Variants in CSPP1 observed in about 807,000 individuals in gnomAD.
CSPP1 encodes centrosome and spindle pole-associated protein 1.
Under a neutral mutation model 164.4 loss-of-function variants are expected in CSPP1, and 126 were observed. That is an observed-to-expected ratio of 0.77 (90% CI 0.66 to 0.89). CSPP1 has a LOEUF of 0.89. Ranked by LOEUF, CSPP1 falls within the 40% of genes least tolerant of loss-of-function variation. CSPP1 has a pLI of 0.00. For missense variants in CSPP1, 1,395 were observed against 1,449.8 expected (o/e 0.96, Z 0.61); for synonymous variants, 472 against 476.7 (o/e 0.99, Z 0.13).
chr8:67,158,390 T>C, intron 19 of CSPP1, 57 bp from the exon 20 acceptor site: 1 of 1,464,174 alleles, frequency 6.8e-7, no homozygotes. Context: ...AAAAAATAAG[T>C]GATATTCTAA....
intron 29 of CSPP1, among the ~76,000 whole-genome samples, chr8:67,192,136 G>A (rs1267583939): frequency 6.7e-6 from 1 of 148,608 alleles, no homozygotes; most frequent in Non-Finnish European, 1.5e-5. Flanking sequence ...GCAGTGGCGT[G>A]ATCTCAGTGC....
intron 15 of CSPP1, among the ~76,000 whole-genome samples, chr8:67,123,503 T>G (rs1819403235): frequency 6.6e-6 from 1 of 152,238 alleles, no homozygotes; most frequent in South Asian, 2.1e-4. Context: ...GTAGACAGAA[T>G]GCAGTTACTT....
intron 17 of CSPP1, among the ~76,000 whole-genome samples, chr8:67,148,806 T>C (rs1170568439): frequency 6.6e-6 from 1 of 152,254 alleles, no homozygotes; most frequent in Admixed American, 6.5e-5. Flanking sequence ...TTAAGTTCTG[T>C]AATCATTCAG....
At chr8:67,147,990 C>T (rs1159684852) in intron 17 of CSPP1, among the ~76,000 whole-genome samples, 1 of 152,066 alleles carries the variant, frequency 6.6e-6, no homozygotes, top group African/African-American at 2.4e-5. Context: ...GTAATTTTGA[C>T]TCACTGCAAC....
In CSPP1 at chr8:67,159,046, CAGAA is replaced by C. The variant is rs761382780; in HGVS notation, c.2456_2459del (p.Lys819ArgfsTer21). On this transcript the variant is annotated frameshift_variant, in exon 21 of 31. Coordinates refer to ENST00000678616, the MANE Select transcript of CSPP1 (RefSeq NM_001382391.1). LOFTEE classifies it high-confidence loss of function. ...TTAGCTGAAGAAAGACAAAAAGAAG[CAGAA>C]AGAAAGAAGAAAGAAGAAGAAGAAA... 7 of 1,611,278 alleles carry C rather than the reference CAGAA, an allele frequency of 4.3e-6. No individual in the cohort carries two copies. In the South Asian group the frequency reaches 6.6e-5, roughly 15 times the overall value.
intron 7 of CSPP1, chr8:67,099,318 C>T (rs1336767575): frequency 6.6e-6 from 1 of 152,012 alleles, no homozygotes; most frequent in Non-Finnish European, 1.5e-5. Flanking sequence ...GGCTATACCA[C>T]CCTGGAATGT....
intron 9 of CSPP1, among the ~76,000 whole-genome samples, chr8:67,111,550 G>A (rs576619791): frequency 1.3e-5 from 2 of 152,318 alleles, no homozygotes; most frequent in South Asian, 4.1e-4. Context: ...GTTATAGTGA[G>A]ATTTTGAGGC....
rs1322610870 is a variant in CSPP1, at chr8:67,158,979, T to G, written c.2392-12T>G. 5 of 1,582,724 alleles carry G rather than the reference T, an allele frequency of 3.2e-6. 1 individual carries two copies. The South Asian group carries it at 5.8e-5, about 18-fold the overall frequency. On this transcript the variant is annotated splice_polypyrimidine_tract_variant and intron_variant, in intron 20 of 30. Coordinates refer to ENST00000678616, the MANE Select transcript of CSPP1 (RefSeq NM_001382391.1). ...AATATATGGAATGCATATTTCTCTT[T>G]TTATTTTAAAGCAAAGGCTAAAAAA... is the stretch of plus-strand genomic sequence containing the variant.
intron 3 of CSPP1, 80 bp from the exon 4 acceptor site, chr8:67,085,927 T>A: frequency 1.4e-6 from 1 of 733,134 alleles, no homozygotes; most frequent in African/African-American, 1.7e-5. Context: ...CTGTTCCTTC[T>A]TACTGTGCTT....
chr8:67,077,177 T>TCC (rs1213980416), intron 3 of CSPP1, among the ~76,000 whole-genome samples: 2 of 151,956 alleles, frequency 1.3e-5, no homozygotes, highest in Non-Finnish European at 2.9e-5. Flanking sequence ...AGGGTCTCTC[T>TCC]CTCTCTCTCT....
intron 17 of CSPP1, among the ~76,000 whole-genome samples, chr8:67,145,723 T>C (rs968132525): frequency 1.3e-5 from 2 of 152,020 alleles, no homozygotes; most frequent in Non-Finnish European, 2.9e-5. Flanking sequence ...AGACGGGGTT[T>C]CACCATACTG....
At chr8:67,165,067 G>A (rs1430932450) in intron 24 of CSPP1, among the ~76,000 whole-genome samples, 2 of 152,168 alleles carry the variant, frequency 1.3e-5, no homozygotes, top group Non-Finnish European at 2.9e-5. Context: ...GGCGGATCAC[G>A]AGGTCAGGAG....
At position 67,090,663 on chromosome 8, in the gene CSPP1, A is replaced by G. The variant is rs575048364; in HGVS notation, c.304-1140A>G. On this transcript the variant is annotated intron_variant, in intron 4 of 30. Transcript: ENST00000678616. ...AATGTTTTGAATACAACGCTATTGT[A>G]GTTAATACGTTGTTTTGCGGTTATT... 7.7e-4 allele frequency among the ~76,000 whole-genome samples: 118 copies of G among 152,338 alleles called. No homozygotes were observed. In the South Asian group the frequency reaches 0.01, roughly 13 times the overall value.
chr8:67,154,825 A>T (rs988784837), intron 19 of CSPP1, among the ~76,000 whole-genome samples: 29 of 152,206 alleles, frequency 1.9e-4, no homozygotes, highest in Admixed American at 1.8e-3. Flanking sequence ...TAAATCAAAG[A>T]ATGCTGAGAT....
At chr8:67,087,891 A>G (rs1810735045) in intron 4 of CSPP1, among the ~76,000 whole-genome samples, 1 of 152,156 alleles carries the variant, frequency 6.6e-6, no homozygotes, top group Non-Finnish European at 1.5e-5. Context: ...TTGCTGCCCA[A>G]CTTCTTAACT....
intron 2 of CSPP1, among the ~76,000 whole-genome samples, chr8:67,076,097 TC>T (rs997246896): frequency 9.2e-5 from 14 of 152,238 alleles, no homozygotes; most frequent in African/African-American, 2.6e-4. Flanking sequence ...TTTTTTTTTT[TC>T]CATAACCACT....
chr8:67,152,245 A>G (rs1349876621), intron 18 of CSPP1, among the ~76,000 whole-genome samples: 2 of 152,146 alleles, frequency 1.3e-5, no homozygotes, highest in African/African-American at 2.4e-5. Flanking sequence ...CTTTGCATAT[A>G]TGTAGCATTT....
chr8:67,158,298 CCT>C (rs1253781112), intron 19 of CSPP1, 147 bp from the exon 20 acceptor site: 1 of 759,436 alleles, frequency 1.3e-6, no homozygotes, highest in Non-Finnish European at 2.0e-6. Context: ...AATCATGTAG[CCT>C]CCCTGAAAAT....
At chr8:67,111,203 A>G (rs928010154) in intron 9 of CSPP1, among the ~76,000 whole-genome samples, 1 of 152,196 alleles carries the variant, frequency 6.6e-6, no homozygotes, top group Non-Finnish European at 1.5e-5. Flanking sequence ...GCATTAACAT[A>G]TGCAATAATA....
Sources: gnomAD v4.1 joint callset for allele counts (sites outside exome capture counted in the v4.1 genomes callset) on GRCh38, gnomAD v4.1.1 for gene constraint, MANE v1.5 for transcripts, NCBI Gene and HGNC (gene_info 2026-07-23, HGNC 2026-07-21) for gene names.